Variants in UBE3C observed in about 807,000 individuals in gnomAD.
UBE3C encodes ubiquitin protein ligase E3C, also known as ubiquitin-protein ligase E3C.
Under a neutral mutation model 129.4 loss-of-function variants are expected in UBE3C, and 42 were observed. The ratio of observed to expected loss-of-function variants is 0.32; its 90% CI spans 0.25 to 0.42. The LOEUF (loss-of-function observed/expected upper bound fraction) is 0.42. UBE3C is among the 10% of genes least tolerant of loss of function. UBE3C has a pLI of 1.00. For synonymous variants in UBE3C, 510 were observed against 492.4 expected (o/e 1.04, Z -0.47); for missense variants, 1,049 against 1,319.1 (o/e 0.80, Z 3.17).
intron 14 of UBE3C, among the ~76,000 whole-genome samples, chr7:157,220,094 C>G (rs1010816444): frequency 6.6e-6 from 1 of 152,006 alleles, no homozygotes; most frequent in Non-Finnish European, 1.5e-5. Flanking sequence ...ACCTGTAGTC[C>G]CAGCTACTCA....
chr7:157,187,928 A>C (rs1808856866), intron 10 of UBE3C, among the ~76,000 whole-genome samples: 1 of 152,134 alleles, frequency 6.6e-6, no homozygotes, highest in South Asian at 2.1e-4. Context: ...CCTAAAAGTA[A>C]ATTTTTGTTT....
In UBE3C at chr7:157,182,223, C is replaced by G. The variant is rs1808683345; in HGVS notation, c.886C>G (p.Pro296Ala). The G allele has an allele frequency of 6.2e-7, 1 of 1,614,048 alleles. No individual in the cohort carries two copies. Among genetic ancestry groups the G allele is most frequent in the African/African-American group, 1.3e-5 (1 of 74,916 alleles). Residue 296 changes from proline (P) to alanine (A), a missense_variant, in exon 8 of 23, where the codon CCC (proline) becomes GCC (alanine). Physicochemically the swap from Pro to Ala is conservative, Grantham distance 27 (BLOSUM62 -1). Transcript: ENST00000348165. ...TGCGCAGACCGTTTTCCCTTACGAG[C>G]CCTTTCTGAATGCACTGTTGTTAAT... ...ADAQTVFPYE[P>A]FLNALLLIES...
At chr7:157,151,954 T>C (rs1002310768) in intron 1 of UBE3C, among the ~76,000 whole-genome samples, 2 of 152,206 alleles carry the variant, frequency 1.3e-5, no homozygotes, top group African/African-American at 4.8e-5. Flanking sequence ...GTTCCCCTTC[T>C]GTTCTAGTAC....
chr7:157,261,029 G>A (rs548154422), intron 22 of UBE3C, among the ~76,000 whole-genome samples: 2 of 152,206 alleles, frequency 1.3e-5, no homozygotes, highest in South Asian at 2.1e-4. Context: ...CTGGCCAGGT[G>A]CGGTGGCTCA....
chr7:157,174,723 C>T (rs1418970969), intron 4 of UBE3C, among the ~76,000 whole-genome samples, 196 bp from the exon 5 acceptor site: 9 of 152,140 alleles, frequency 5.9e-5, no homozygotes, highest in Non-Finnish European at 1.3e-4. Context: ...AAGTTACAGA[C>T]GTGAACCACT....
intron 1 of UBE3C, chr7:157,140,068 C>G (rs1423275974): frequency 1.0e-6 from 1 of 981,442 alleles, no homozygotes; most frequent in South Asian, 4.7e-5. Context: ...CTGTTCTAGT[C>G]TAGAATTTCT....
chr7:157,195,060 G>A (rs541019121), intron 10 of UBE3C, among the ~76,000 whole-genome samples: 1 of 152,308 alleles, frequency 6.6e-6, no homozygotes, highest in East Asian at 1.9e-4. Context: ...AAGTGATGAA[G>A]GTATGGCTGT....
At position 157,220,703 on chromosome 7, in the gene UBE3C, T is replaced by C. The variant is rs1293789333; in HGVS notation, c.1929T>C (p.Tyr643=). Residue 643 remains tyrosine (Y), a synonymous_variant, in exon 15 of 23, where the codon TAT becomes TAC. Coordinates refer to ENST00000348165, the MANE Select transcript of UBE3C (RefSeq NM_014671.3). ...DIKADKVTQL[Y]VPASRHVWRF... is the part of the protein sequence containing the mutation. ...GCCCCCGACAGGTCACTCAGCTCTA[T>C]GTGCCAGCATCCAGACATGTGTGGA... The C allele has an allele frequency of 3.7e-6, 6 of 1,614,034 alleles. No individual in the cohort carries two copies. The highest frequency in any genetic ancestry group is 5.1e-6 in the Non-Finnish European group (6 of 1,179,982).
At chr7:157,211,042 C>A (rs888883143) in intron 13 of UBE3C, among the ~76,000 whole-genome samples, 11 of 152,106 alleles carry the variant, frequency 7.2e-5, no homozygotes. Context: ...GATAGGAAAT[C>A]CTGTTTTGAG....
chr7:157,233,591 T>G (rs1254210611), intron 18 of UBE3C, among the ~76,000 whole-genome samples: 1 of 152,236 alleles, frequency 6.6e-6, no homozygotes, highest in Non-Finnish European at 1.5e-5. Flanking sequence ...CCGCATTTTG[T>G]TTACTTACTC....
chr7:157,214,370 A>G (rs1809678339), intron 13 of UBE3C, among the ~76,000 whole-genome samples: 1 of 152,190 alleles, frequency 6.6e-6, no homozygotes, highest in Admixed American at 6.5e-5. Flanking sequence ...ATAGAAATAG[A>G]TATCTAGGAG....
chr7:157,252,678 G>C (rs1584823224), intron 19 of UBE3C, among the ~76,000 whole-genome samples: 2 of 152,220 alleles, frequency 1.3e-5, no homozygotes, highest in East Asian at 3.8e-4. Context: ...TAAATGGTAA[G>C]AGACTGGGAC....
At chr7:157,249,101 C>T (rs1001957015) in intron 19 of UBE3C, among the ~76,000 whole-genome samples, 3 of 152,224 alleles carry the variant, frequency 2.0e-5, no homozygotes, top group African/African-American at 7.2e-5. Flanking sequence ...ATGTAACTCA[C>T]ATACCATAAA....
intron 18 of UBE3C, among the ~76,000 whole-genome samples, chr7:157,232,345 G>A (rs1796043411): frequency 1.3e-5 from 2 of 151,610 alleles, no homozygotes; most frequent in African/African-American, 4.9e-5. Context: ...TTCAGGAATT[G>A]TTATTAGTTT....
intron 15 of UBE3C, chr7:157,222,012 G>A (rs892159038): frequency 3.3e-5 from 5 of 152,042 alleles, no homozygotes; most frequent in African/African-American, 1.2e-4. Context: ...TGTGACCACA[G>A]GCGTGTGCCA....
chr7:157,227,209 A>T (rs955368214), intron 17 of UBE3C, among the ~76,000 whole-genome samples: 5 of 152,078 alleles, frequency 3.3e-5, no homozygotes, highest in Admixed American at 2.0e-4. Flanking sequence ...GAAGAGTGAG[A>T]TGTTTAACCT....
In UBE3C at chr7:157,207,685, CTG is replaced by C; in HGVS notation, c.1577-17_1577-16del. 1 of 1,604,880 alleles carries C rather than the reference CTG, an allele frequency of 6.2e-7. No individual in the cohort carries two copies. Among genetic ancestry groups the C allele is most frequent in the South Asian group, 1.1e-5 (1 of 89,192 alleles). ...AGATGGAAAAAGAAACAATAGAAAACTGGATTGTGTTTTTTAGTTGTAGGTCA... is the reference window on the plus strand; with the variant it reads ...AGATGGAAAAAGAAACAATAGAAAACGATTGTGTTTTTTAGTTGTAGGTCA... On this transcript the variant is annotated splice_polypyrimidine_tract_variant and intron_variant, in intron 12 of 22. Transcript: ENST00000348165.
At chr7:157,200,874 C>A (rs1362427875) in intron 10 of UBE3C, among the ~76,000 whole-genome samples, 1 of 152,130 alleles carries the variant, frequency 6.6e-6, no homozygotes, top group Non-Finnish European at 1.5e-5. Flanking sequence ...CTTTGGCCTC[C>A]CAAAGTGCTG....
At chr7:157,183,436 C>T (rs1351451709) in intron 8 of UBE3C, among the ~76,000 whole-genome samples, 1 of 152,196 alleles carries the variant, frequency 6.6e-6, no homozygotes, top group African/African-American at 2.4e-5. Flanking sequence ...CTCGGCACCT[C>T]CCTGTGTTGA....
Sources: allele counts gnomAD v4.1 joint callset (sites outside exome capture counted in the v4.1 genomes callset), GRCh38; gene constraint gnomAD v4.1.1; transcripts MANE v1.5; gene names NCBI Gene and HGNC (gene_info 2026-07-23, HGNC 2026-07-21).